KLHL30: variants seen among roughly 807,000 people sequenced by gnomAD.
The protein encoded by KLHL30 is kelch like family member 30.
KLHL30 carries 55 observed loss-of-function variants against 55.0 expected under a neutral mutation model. That is an observed-to-expected ratio of 1.00 (90% confidence interval 0.80 to 1.25). The LOEUF (loss-of-function observed/expected upper bound fraction) is 1.25. KLHL30 is among the 50% of genes most tolerant of loss of function. The pLI is 0.00. For missense variants in KLHL30, 786 were observed against 811.6 expected (o/e 0.97, Z 0.38); for synonymous variants, 356 against 372.6 (o/e 0.96, Z 0.51).
Position 238,141,460 on chromosome 2 carries a change from C to A in KLHL30, c.706C>A (p.Leu236Met). The A allele has an allele frequency of 6.5e-7, 1 of 1,527,508 alleles. No individual in the cohort carries two copies. Among genetic ancestry groups the A allele is most frequent in the Non-Finnish European group, 8.8e-7 (1 of 1,142,666 alleles). 94.6% of individuals were successfully genotyped at this position (1,527,508 alleles called of 1,614,324 possible). A position where few individuals can be genotyped will look rare whatever the true frequency, so the allele number is the denominator to read the frequency against. ...AVPRPCVQQLLASEPLIQESE... is the reference protein window; with the variant it reads ...AVPRPCVQQLMASEPLIQESE... ...GCCCAGGCCCTGCGTGCAGCAACTG[C>A]TGGCCTCAGAGCCCCTGATCCAGGA... The change falls in exon 2 of 8, where the codon CTG (leucine) becomes ATG (methionine). Residue 236 changes from leucine (L) to methionine (M), a missense_variant. Transcript: ENST00000409223.
rs1010263559 is a variant in KLHL30 at position 238,140,820 on chromosome 2, C to A, written c.66C>A (p.Gly22=). ...LPSHAQDMLD[G]LQRLRSQPKL... ...CGCATGCCCAGGACATGCTGGATGG[C>A]CTGCAGCGCCTGCGCTCTCAGCCCA... Residue 22 remains glycine, a synonymous_variant, in exon 2 of 8, where the codon GGC becomes GGA. Coordinates refer to ENST00000409223, the MANE Select transcript of KLHL30 (RefSeq NM_198582.4). 6.2e-7 allele frequency: 1 copy of A among 1,603,172 alleles called. No individual in the cohort carries two copies. The highest frequency in any genetic ancestry group is 8.5e-7 in the Non-Finnish European group (1 of 1,172,976).
At position 238,150,756 on chromosome 2, in the gene KLHL30, C is replaced by G; in HGVS notation, c.1486-58C>G. 5.3e-6 allele frequency: 8 copies of G among 1,519,120 alleles called. 1 individual carries two copies. In the South Asian group the frequency reaches 1.0e-4, roughly 19 times the overall value. 94.1% of individuals were successfully genotyped at this position (1,519,120 alleles called of 1,614,324 possible). On this transcript the variant is annotated intron_variant, in intron 7 of 7. Transcript: ENST00000409223. ...ACTCCCCCGACCCTGCTGAGGGCAC[C>G]CTCAGCCCTGCTCTCCAGCTCCCGC...
intron 1 of KLHL30, among the ~76,000 whole-genome samples, chr2:238,139,063 G>A (rs947198610): frequency 6.6e-6 from 1 of 152,188 alleles, no homozygotes; most frequent in African/African-American, 2.4e-5. Context: ...TTGTTGTCCT[G>A]CCCACTCGGC....
intron 2 of KLHL30, 37 bp from the exon 3 acceptor site, chr2:238,142,762 A>T: frequency 1.5e-6 from 2 of 1,359,822 alleles, no homozygotes; most frequent in Non-Finnish European, 1.9e-6. Context: ...ATGGGGACAC[A>T]TTGCTGTTGC....
Position 238,150,988 on chromosome 2 carries a change from C to A in KLHL30, c.1660C>A (p.Leu554Ile). 1 of 1,589,924 alleles carries A rather than the reference C, an allele frequency of 6.3e-7. No homozygotes were observed. The highest frequency in any genetic ancestry group is 1.1e-5 in the South Asian group (1 of 87,156). Residue 554 changes from leucine (L) to isoleucine (I), a missense_variant, in exon 8 of 8, where the codon CTC (leucine) becomes ATC (isoleucine). Leu to Ile is a conservative substitution (Grantham distance 5). Coordinates refer to ENST00000409223, the MANE Select transcript of KLHL30 (RefSeq NM_198582.4). Reference sequence around the variant, plus strand: ...CCACGGCGCCCTGCCCCGGCTCTGGCTCTACCACGGGGCCTCCACCGTCTT... The same window carrying A: ...CCACGGCGCCCTGCCCCGGCTCTGGATCTACCACGGGGCCTCCACCGTCTT... Reference protein sequence around the residue: ...TRHGALPRLWLYHGASTVFLD... With the variant: ...TRHGALPRLWIYHGASTVFLD...
chr2:238,141,591 C>T lies in KLHL30; in HGVS notation c.774+63C>T, dbSNP rs535058707. The T allele has an allele frequency of 2.0e-3, 2,840 of 1,416,734 alleles. 19 individuals are homozygous for T. The highest frequency in any genetic ancestry group is 1.5e-3 in the Non-Finnish European group (1,653 of 1,085,286). 87.8% of individuals were successfully genotyped at this position (1,416,734 alleles called of 1,614,324 possible). A position where few individuals can be genotyped will look rare whatever the true frequency, so the allele number is the denominator to read the frequency against. Reference sequence around the variant, plus strand: ...AGGGAGGAGAGCCCCAGAGACCCCACCTGAGTAGGGACAGAGTAAGGAGTG... The same window carrying T: ...AGGGAGGAGAGCCCCAGAGACCCCATCTGAGTAGGGACAGAGTAAGGAGTG... On this transcript the variant is annotated intron_variant, in intron 2 of 7. Coordinates refer to ENST00000409223, the MANE Select transcript of KLHL30 (RefSeq NM_198582.4).
rs1559276675 is a variant in KLHL30 at position 238,145,821 on chromosome 2, A to G, written c.1139A>G (p.Tyr380Cys). The G allele has an allele frequency of 1.2e-6, 2 of 1,602,392 alleles. No individual in the cohort carries two copies. The highest frequency in any genetic ancestry group is 2.2e-5 in the East Asian group (1 of 44,498). ...AGCGCGGCCCTCAATGGGGAGATCT[A>G]CGTTATCGGCGGTGAGGCCTTCCTC... ...HASAALNGEI[Y>C]VIGGTTLDVV... Residue 380 changes from tyrosine to cysteine, a missense_variant, in exon 5 of 8, where the codon TAC becomes TGC. Transcript: ENST00000409223.
rs553405895 is a variant in KLHL30, at chr2:238,140,761, C to A, written c.7C>A (p.Arg3=). 3 of 1,521,958 alleles carry A rather than the reference C, an allele frequency of 2.0e-6. No individual in the cohort carries two copies. Among genetic ancestry groups the A allele is most frequent in the Admixed American group, 4.1e-5 (2 of 49,114 alleles). 94.3% of individuals were successfully genotyped at this position (1,521,958 alleles called of 1,614,324 possible). Residue 3 remains arginine (R), a synonymous_variant, in exon 2 of 8, where the codon CGG becomes AGG. Transcript: ENST00000409223. The stretch of plus-strand genomic sequence containing the variant: ...GTCCCCTGGGCACGGCGTCATGGTG[C>A]GGAACGTGGATGACCTGGATTTCCA... The part of the protein sequence containing the change: MV[R]NVDDLDFHLP...
chr2:238,145,717 C>G lies in KLHL30; in HGVS notation c.1035C>G (p.Thr345=), dbSNP rs73999842. ...RGTKTDTWST[T]QAWCFPLKEA... is the part of the protein sequence containing the mutation. ...CAAAGACAGACACCTGGTCAACCAC[C>G]CAGGCCTGGTGCTTCCCCCTGAAGG... Residue 345 remains threonine (T), a synonymous_variant, in exon 5 of 8, where the codon ACC becomes ACG. Transcript: ENST00000409223. 3.1e-6 allele frequency: 5 copies of G among 1,589,226 alleles called. No individual in the cohort carries two copies. The South Asian group carries it at 4.6e-5, about 15-fold the overall frequency.
Position 238,148,902 on chromosome 2 carries a change from A to C in KLHL30, c.1340-105A>C, listed in dbSNP as rs1692696815. The C allele has an allele frequency of 7.0e-6, 8 of 1,149,460 alleles. No homozygotes were observed. The Middle Eastern group carries it at 1.5e-3, about 214-fold the overall frequency. 71.2% of individuals were successfully genotyped at this position (1,149,460 alleles called of 1,614,324 possible). On this transcript the variant is annotated intron_variant, in intron 6 of 7. Coordinates refer to ENST00000409223, the MANE Select transcript of KLHL30 (RefSeq NM_198582.4). ...TCCCATTTCACAGACAGGTTCACTG[A>C]GGTTCAGAGAGGCACTGAGTCCAGG...
At chr2:238,144,585 A>G (rs889862821) in intron 3 of KLHL30, among the ~76,000 whole-genome samples, 6 of 152,114 alleles carry the variant, frequency 3.9e-5, no homozygotes, top group Non-Finnish European at 1.5e-5. Context: ...TGAATGGTCC[A>G]TTTGGGGTCA....
chr2:238,140,014 C>T (rs114069421), intron 1 of KLHL30, among the ~76,000 whole-genome samples: 4,603 of 152,358 alleles, frequency 0.03, 100 homozygotes, highest in Non-Finnish European at 0.046. Flanking sequence ...CACCCGGCCA[C>T]GTGGAATGCA....
Position 238,145,000 on chromosome 2 carries a change from G to A in KLHL30, c.994+12G>A, listed in dbSNP as rs374334312. Reference sequence around the variant, plus strand: ...CATCTATGTCACAGGTGGGCAGCTCGGGGACCCTTCCAGAGATGCCCTGCC... The same window carrying A: ...CATCTATGTCACAGGTGGGCAGCTCAGGGACCCTTCCAGAGATGCCCTGCC... On this transcript the variant is annotated intron_variant, in intron 4 of 7. Coordinates refer to ENST00000409223, the MANE Select transcript of KLHL30 (RefSeq NM_198582.4). 1.0e-4 allele frequency: 166 copies of A among 1,586,740 alleles called. No homozygotes were observed. The highest frequency in any genetic ancestry group is 1.9e-4 in the African/African-American group (14 of 74,364).
Position 238,144,432 on chromosome 2 carries a change from AAGGCAGGC to A in KLHL30, c.908-424_908-417del, listed in dbSNP as rs1165549782. Among the ~76,000 whole-genome samples the A allele has an allele frequency of 5.4e-3, 442 of 82,368 alleles. 10 individuals carry two copies. The highest frequency in any genetic ancestry group is 0.013 in the African/African-American group (293 of 21,798). The allele number at this position is 82,368 out of a possible 152,430, so 54.0% of individuals were successfully genotyped here. ...GAAGGAAGGAAGGAAGGAAGGAAGG[AAGGCAGGC>A]AGGCAGGCAGGCAGGCAGGCAGGCA... is the stretch of plus-strand genomic sequence containing the variant. On this transcript the variant is annotated intron_variant, in intron 3 of 7. Coordinates refer to ENST00000409223, the MANE Select transcript of KLHL30 (RefSeq NM_198582.4).
chr2:238,151,780 G>A lies in KLHL30; in HGVS notation c.*715G>A. On this transcript the variant is annotated 3_prime_UTR_variant, in exon 8 of 8. Coordinates refer to ENST00000409223, the MANE Select transcript of KLHL30 (RefSeq NM_198582.4). ...GGGAGGCAGGGCGTGGGGCGGGGCT[G>A]GAGGGTCCCAGGGAGGTGAGCAGTT... 2 of 670,702 alleles carry A rather than the reference G, an allele frequency of 3.0e-6. No homozygotes were observed. Among genetic ancestry groups the A allele is most frequent in the Non-Finnish European group, 3.7e-6 (2 of 542,158 alleles). The allele number at this position is 670,702 out of a possible 1,614,324, so 41.5% of individuals were successfully genotyped here.
At chr2:238,149,294 G>A in intron 7 of KLHL30, 142 bp downstream of exon 7, 1 of 1,194,734 alleles carries the variant, frequency 8.4e-7, no homozygotes, top group Non-Finnish European at 1.2e-6. Context: ...CCCACAGAGG[G>A]CCCACAGTGA....
In KLHL30 at chr2:238,147,103, C is replaced by T. The variant is rs1692661724; in HGVS notation, c.1151-731C>T. ...TTGAGGCTGCAATGAGCTGTAATCG[C>T]ACCACTGCACTTCAGCCTGGGTGAC... On this transcript the variant is annotated intron_variant, in intron 5 of 7. Transcript: ENST00000409223. The surrounding 1 kb of genome is among the most constrained non-coding windows in gnomAD (Gnocchi z 5.8). Among the ~76,000 whole-genome samples the T allele has an allele frequency of 6.7e-6, 1 of 149,274 alleles. No homozygotes were observed. Among genetic ancestry groups the T allele is most frequent in the Non-Finnish European group, 1.5e-5 (1 of 67,596 alleles).
intron 7 of KLHL30, among the ~76,000 whole-genome samples, chr2:238,149,652 A>T (rs920044046): frequency 4.6e-5 from 7 of 152,132 alleles, no homozygotes; most frequent in Non-Finnish European, 1.5e-5. Flanking sequence ...AGGGTACTAT[A>T]GGGACCAGGA....
At chr2:238,143,638 G>A (rs11693215) in intron 3 of KLHL30, among the ~76,000 whole-genome samples, 2 of 152,202 alleles carry the variant, frequency 1.3e-5, no homozygotes, top group Admixed American at 6.5e-5. Context: ...GGGGCCACCA[G>A]GCAGGTCGCC....
Sources: allele counts gnomAD v4.1 joint callset (sites outside exome capture counted in the v4.1 genomes callset), GRCh38; gene constraint gnomAD v4.1.1; non-coding constraint Gnocchi (gnomAD v3.1); transcripts MANE v1.5; gene names NCBI Gene and HGNC (gene_info 2026-07-23, HGNC 2026-07-21).